SCN1A: variants seen among roughly 807,000 people sequenced by gnomAD.
SCN1A encodes the protein sodium channel protein type 1 subunit alpha.
A neutral mutation model predicts 193.7 loss-of-function variants in SCN1A; 13 were observed. The ratio of observed to expected loss-of-function variants is 0.07; its 90% CI spans 0.04 to 0.11. The LOEUF is 0.11. Ranked by LOEUF, SCN1A falls within the 10% of genes least tolerant of loss-of-function variation. The pLI is 1.00. For synonymous variants in SCN1A, 781 were observed against 843.6 expected (o/e 0.93, Z 1.29); for missense variants, 1,432 against 2,451.1 (o/e 0.58, Z 8.78).
chr2:166,055,429 T>C (rs1699031406), intron 6 of SCN1A, among the ~76,000 whole-genome samples: 1 of 151,934 alleles, frequency 6.6e-6, no homozygotes, highest in African/African-American at 2.4e-5. Context: ...GCCTCCCATA[T>C]TAGCTTCAAT....
intron 23 of SCN1A, among the ~76,000 whole-genome samples, chr2:166,003,401 AAACTTATTTCAAAT>A (rs760504748): frequency 6.6e-6 from 1 of 151,676 alleles, no homozygotes; most frequent in Non-Finnish European, 1.5e-5. Flanking sequence ...TTAATTCAAA[AAACTTATTTCAAAT>A]GAAACATAAT....
At chr2:166,132,089 T>A (rs550957795), upstream of SCN1A, among the ~76,000 whole-genome samples, 1 of 152,152 alleles carries the variant, frequency 6.6e-6, no homozygotes, top group African/African-American at 2.4e-5. Context: ...CTTGAGTACC[T>A]TGAGGTGGTA....
chr2:166,139,481 G>A (rs567868943), intron 1 of SCN1A, among the ~76,000 whole-genome samples: 9 of 152,248 alleles, frequency 5.9e-5, no homozygotes, highest in African/African-American at 2.2e-4. Flanking sequence ...CTCTCTTTTT[G>A]CCTGCTGCCA....
intron 23 of SCN1A, chr2:166,009,415 C>T (rs1692107899): frequency 4.6e-6 from 1 of 218,636 alleles, no homozygotes; most frequent in East Asian, 1.1e-4. Context: ...TATCATTACA[C>T]ATAGTACTTT....
chr2:166,018,914 T>C (rs1021509813), intron 19 of SCN1A, among the ~76,000 whole-genome samples: 1 of 152,148 alleles, frequency 6.6e-6, no homozygotes, highest in Non-Finnish European at 1.5e-5. Context: ...CATAAGATTG[T>C]ATGAACTGTA....
chr2:165,990,466 G>A lies in SCN1A; in HGVS notation c.*779C>T, dbSNP rs1204335747. 6.6e-6 allele frequency: 1 copy of A among 152,108 alleles called. No individual in the cohort carries two copies. The highest frequency in any genetic ancestry group is 2.4e-5 in the African/African-American group (1 of 41,266). The allele number at this position is 152,108 out of a possible 1,614,324, so 9.4% of individuals were successfully genotyped here. ...CAACAAAAAGAAACATAACATTTAT[G>A]ACTCCAAACATTTGAATGAAGTTTG... On this transcript the variant is annotated 3_prime_UTR_variant, in exon 29 of 29. Transcript: ENST00000674923.
In SCN1A at chr2:165,994,191, C is replaced by T. The variant is rs761333438; in HGVS notation, c.4807G>A (p.Gly1603Arg). 2.5e-6 allele frequency: 4 copies of T among 1,612,240 alleles called. No homozygotes were observed. Among genetic ancestry groups the T allele is most frequent in the Non-Finnish European group, 3.4e-6 (4 of 1,179,026 alleles). ...ACCACAAAATCAAAAATATTCCATC[C>T]AATGGTAAAATAATAATGGCGTAGA... Reference protein sequence around the residue: ...ISLRHYYFTIGWNIFDFVVVI... With the variant: ...ISLRHYYFTIRWNIFDFVVVI... Residue 1603 changes from glycine (G) to arginine (R), a missense_variant, in exon 28 of 29, where the codon GGA (glycine) becomes AGA (arginine). Gly to Arg is a moderately radical substitution (Grantham distance 125). Around this residue, in one of 18 missense-constraint regions of SCN1A, gnomAD observed 85 missense variants for 213.2 expected, o/e 0.40. Coordinates refer to ENST00000674923, the MANE Select transcript of SCN1A (RefSeq NM_001165963.4).
At chr2:166,047,829 A>G (rs1228981232) in intron 10 of SCN1A, 61 bp from the exon 11 acceptor site, 2 of 1,600,732 alleles carry the variant, frequency 1.2e-6, no homozygotes, top group Non-Finnish European at 1.7e-6. Context: ...CTCTGATACT[A>G]TGCTATGATA....
chr2:166,073,497 T>C lies in SCN1A; in HGVS notation c.125A>G (p.Lys42Arg). The C allele has an allele frequency of 6.2e-7, 1 of 1,614,204 alleles. No homozygotes were observed. Among genetic ancestry groups the C allele is most frequent in the Non-Finnish European group, 8.5e-7 (1 of 1,180,020 alleles). The change falls in exon 4 of 29, where the codon AAA (lysine) becomes AGA (arginine). Residue 42 changes from lysine to arginine, a missense_variant. By Grantham distance (26) the Lys-to-Arg change is conservative. Coordinates refer to ENST00000674923, the MANE Select transcript of SCN1A (RefSeq NM_001165963.4). ...CTTTGGGCCATTTTCGTCGTCATCT[T>C]TTTTGTCTGGTTTGGGATTCTTTGC... ...EKAKNPKPDKKDDDENGPKPN... is the reference protein window; with the variant it reads ...EKAKNPKPDKRDDDENGPKPN...
rs139786815 is a variant in SCN1A, at chr2:166,024,807, A to T, written c.3430-9080T>A. 7.6e-3 allele frequency among the ~76,000 whole-genome samples: 1,150 copies of T among 152,110 alleles called. 23 individuals carry two copies. The highest frequency in any genetic ancestry group is 0.026 in the African/African-American group (1,098 of 41,518). On this transcript the variant is annotated intron_variant, in intron 19 of 28. Transcript: ENST00000674923. ...CCCAAGTAACTGGGACTACAGGTGC[A>T]TGCCACCACACCCGGCTAATTTTTG...
At chr2:166,054,878 C>T in intron 6 of SCN1A, 112 bp from the exon 7 acceptor site, 1 of 945,448 alleles carries the variant, frequency 1.1e-6, no homozygotes, top group Non-Finnish European at 1.6e-6. Flanking sequence ...GAAAACTAAG[C>T]AGATGGATTT....
rs116315975 is a variant in SCN1A, at chr2:165,992,867, T to C, written c.4853-445A>G. 592 of 153,838 alleles carry C rather than the reference T, an allele frequency of 3.8e-3. 6 individuals are homozygous for C. The highest frequency in any genetic ancestry group is 0.013 in the African/African-American group (544 of 41,560). 9.5% of individuals were successfully genotyped at this position (153,838 alleles called of 1,614,324 possible). A position where few individuals can be genotyped will look rare whatever the true frequency, so the allele number is the denominator to read the frequency against. ...AAGTATTGGTAGCTTTTGATGCTAC[T>C]TTCATCTCCCCATGATCTTGGTACT... On this transcript the variant is annotated intron_variant, in intron 28 of 28. Transcript: ENST00000674923. The surrounding 1 kb of genome is among the most constrained non-coding windows in gnomAD (Gnocchi z 6.5).
intron 16 of SCN1A, among the ~76,000 whole-genome samples, chr2:166,040,663 C>T (rs1298263747): frequency 6.6e-6 from 1 of 152,034 alleles, no homozygotes; most frequent in African/African-American, 2.4e-5. Flanking sequence ...TTTTGAAGCA[C>T]AAAAAGGAAA....
intron 5 of SCN1A, among the ~76,000 whole-genome samples, chr2:166,057,442 A>AATATAATATAATATAATAT (rs1699241558): frequency 6.6e-6 from 1 of 152,036 alleles, no homozygotes; most frequent in Admixed American, 6.6e-5. Context: ...GGAATCAGAT[A>AATATAATATAATATAATAT]AAGGGTCCAG....
intron 2 of SCN1A, among the ~76,000 whole-genome samples, chr2:166,088,862 G>A (rs1052991022): frequency 2.0e-5 from 3 of 152,026 alleles, no homozygotes; most frequent in African/African-American, 4.8e-5. Flanking sequence ...TTGGAAGTAG[G>A]GAGACCCAAG....
chr2:166,138,427 T>C (rs922744921), intron 1 of SCN1A, among the ~76,000 whole-genome samples: 3 of 152,206 alleles, frequency 2.0e-5, no homozygotes, highest in Admixed American at 6.5e-5. Context: ...AGGGACTTTG[T>C]GCCCTTTGCC....
chr2:166,066,653 T>A (rs930473600), intron 4 of SCN1A, among the ~76,000 whole-genome samples: 4 of 152,120 alleles, frequency 2.6e-5, no homozygotes, highest in Admixed American at 6.6e-5. Flanking sequence ...AAACTTCCTA[T>A]CTAAGAAAAT....
In SCN1A at chr2:165,996,128, G is replaced by A. The variant is rs775315152; in HGVS notation, c.4477-11C>T. ...GTCTTGACCTCCAAAGTATAGAAAAGAAAAATCAAACTGGTTAAAACTGTG... is the reference window on the plus strand; with the variant it reads ...GTCTTGACCTCCAAAGTATAGAAAAAAAAAATCAAACTGGTTAAAACTGTG... On this transcript the variant is annotated splice_polypyrimidine_tract_variant and intron_variant, in intron 26 of 28. Coordinates refer to ENST00000674923, the MANE Select transcript of SCN1A (RefSeq NM_001165963.4). The A allele has an allele frequency of 6.5e-7, 1 of 1,529,796 alleles. No individual in the cohort carries two copies. Among genetic ancestry groups the A allele is most frequent in the Non-Finnish European group, 9.0e-7 (1 of 1,106,056 alleles). 94.8% of individuals were successfully genotyped at this position (1,529,796 alleles called of 1,614,324 possible). A position where few individuals can be genotyped will look rare whatever the true frequency, so the allele number is the denominator to read the frequency against.
At chr2:166,030,512 G>C (rs1315898208) in intron 19 of SCN1A, among the ~76,000 whole-genome samples, 1 of 151,292 alleles carries the variant, frequency 6.6e-6, no homozygotes, top group African/African-American at 2.4e-5. Context: ...GTTCCCAAAA[G>C]GTACAACTTT....
Sources: allele counts gnomAD v4.1 joint callset (sites outside exome capture counted in the v4.1 genomes callset), GRCh38; gene constraint gnomAD v4.1.1; regional missense constraint gnomAD v4.1.1; non-coding constraint Gnocchi (gnomAD v3.1); transcripts MANE v1.5; gene names NCBI Gene and HGNC (gene_info 2026-07-23, HGNC 2026-07-21).